Variants in TOX3 observed in about 807,000 individuals in gnomAD.
TOX3 encodes the protein TOX high mobility group box family member 3.
A neutral mutation model predicts 64.3 loss-of-function variants in TOX3; 22 were observed. The ratio of observed to expected loss-of-function variants is 0.34; its 90% CI spans 0.24 to 0.49. The LOEUF is 0.49. Ranked by LOEUF, TOX3 falls within the 20% of genes least tolerant of loss-of-function variation. TOX3 has a pLI of 0.99. For synonymous variants in TOX3, 291 were observed against 273.6 expected, an observed-to-expected ratio of 1.06 and a Z score of -0.63; for missense variants, 661 against 714.4, an observed-to-expected ratio of 0.93 and a Z score of 0.85.
Position 52,546,655 on chromosome 16 carries a change from C to T in TOX3, c.69G>A (p.Gly23=), listed in dbSNP as rs1479780211. The T allele has an allele frequency of 6.5e-7, 1 of 1,542,556 alleles. No homozygotes were observed. The change falls in exon 1 of 7, where the codon GGG becomes GGA. Residue 23 remains glycine, a synonymous_variant. Transcript: ENST00000219746. The part of the protein sequence containing the change: ...PASLDFAQCL[G]YYGYSKFGNN... Reference sequence around the variant, plus strand: ...CGGTCACCTTGCTGTAGCCGTAGTACCCCAGGCACTGCGCGAAGTCCAGGC... The same window carrying T: ...CGGTCACCTTGCTGTAGCCGTAGTATCCCAGGCACTGCGCGAAGTCCAGGC...
intron 1 of TOX3, among the ~76,000 whole-genome samples, chr16:52,497,690 A>C (rs1214128353): frequency 6.6e-6 from 1 of 152,216 alleles, no homozygotes; most frequent in African/African-American, 2.4e-5. Context: ...TTTATTCCAC[A>C]GTACAAAATA....
chr16:52,438,988 C>T lies in TOX3; in HGVS notation c.*237G>A. ...TAGCCTGAATAAATAAAAAAGGCAT[C>T]ACATAAAAGAGCACAGCTTTTCTTG... On this transcript the variant is annotated 3_prime_UTR_variant, in exon 7 of 7. Transcript: ENST00000219746. 1.4e-6 allele frequency: 1 copy of T among 695,472 alleles called. No individual in the cohort carries two copies. Among genetic ancestry groups the T allele is most frequent in the Non-Finnish European group, 2.6e-6 (1 of 381,398 alleles). The allele number at this position is 695,472 out of a possible 1,614,324, so 43.1% of individuals were successfully genotyped here.
intron 1 of TOX3, among the ~76,000 whole-genome samples, chr16:52,504,466 CAA>C (rs71141197): frequency 7.4e-5 from 7 of 94,050 alleles, no homozygotes; most frequent in East Asian, 5.7e-4. Flanking sequence ...GACTCCGTCT[CAA>C]AAAAAAAAAA....
In TOX3 at chr16:52,513,477, A is replaced by G. The variant is rs148648016; in HGVS notation, c.87+33160T>C. On this transcript the variant is annotated intron_variant, in intron 1 of 6. Transcript: ENST00000219746. ...TTAAAATTATAGAAATCTAGATGAG[A>G]TGGAAATTGAAAATACACTAAAACC... 3.6e-3 allele frequency among the ~76,000 whole-genome samples: 551 copies of G among 152,342 alleles called. 1 individual carries two copies. The highest frequency in any genetic ancestry group is 0.013 in the African/African-American group (525 of 41,580).
chr16:52,461,859 C>T (rs181319018), intron 3 of TOX3, among the ~76,000 whole-genome samples: 1 of 152,086 alleles, frequency 6.6e-6, no homozygotes, highest in African/African-American at 2.4e-5. Context: ...TATAGAAGAA[C>T]CCTGACATAA....
chr16:52,479,559 T>A (rs1421730475), intron 1 of TOX3, among the ~76,000 whole-genome samples: 2 of 152,182 alleles, frequency 1.3e-5, no homozygotes, highest in African/African-American at 4.8e-5. Flanking sequence ...TGGGCATCTC[T>A]TATAAAATGA....
At chr16:52,467,398 A>G (rs946961367) in intron 2 of TOX3, among the ~76,000 whole-genome samples, 2 of 152,218 alleles carry the variant, frequency 1.3e-5, no homozygotes, top group African/African-American at 4.8e-5. Flanking sequence ...GATGATGGTC[A>G]CTATAAAAAT....
rs1395272284 is a variant in TOX3, at chr16:52,446,114, A to G, written c.786T>C (p.Tyr262=). 6.2e-7 allele frequency: 1 copy of G among 1,613,986 alleles called. No homozygotes were observed. Among genetic ancestry groups the G allele is most frequent in the Non-Finnish European group, 8.5e-7 (1 of 1,179,852 alleles). Residue 262 remains tyrosine, a synonymous_variant, in exon 5 of 7, where the codon TAT becomes TAC. Transcript: ENST00000219746. The part of the protein sequence containing the change: ...PNEPQKPVSA[Y]ALFFRDTQAA... ...CCTGTGTGTCTCTGAAAAACAGGGCATATGCTGACACTGGCTTCTGTGGCT... is the reference window on the plus strand; with the variant it reads ...CCTGTGTGTCTCTGAAAAACAGGGCGTATGCTGACACTGGCTTCTGTGGCT...
intron 1 of TOX3, among the ~76,000 whole-genome samples, chr16:52,542,109 A>G (rs1291405718): frequency 6.6e-6 from 1 of 152,192 alleles, no homozygotes; most frequent in Non-Finnish European, 1.5e-5. Flanking sequence ...TGGGGCATGG[A>G]AGGGAGCTCA....
intron 1 of TOX3, among the ~76,000 whole-genome samples, chr16:52,474,904 C>T (rs1481895430): frequency 6.6e-6 from 1 of 152,172 alleles, no homozygotes; most frequent in Non-Finnish European, 1.5e-5. Context: ...CCCTTTCTCA[C>T]ACTCCTCTAG....
At chr16:52,447,663 T>C (rs1041217612) in intron 4 of TOX3, among the ~76,000 whole-genome samples, 2 of 152,150 alleles carry the variant, frequency 1.3e-5, no homozygotes, top group African/African-American at 4.8e-5. Context: ...GATTCAATAA[T>C]TCTCTAGAGC....
In TOX3 at chr16:52,464,851, A is replaced by G. The variant is rs143684971; in HGVS notation, c.154-663T>C. ...CTTTTACATGAACATTTTAATATGT[A>G]TTTATCTGAACATTTTCTACCAGTC... On this transcript the variant is annotated intron_variant, in intron 2 of 6. Transcript: ENST00000219746. Among the ~76,000 whole-genome samples, 15 of 152,166 alleles carry G rather than the reference A, an allele frequency of 9.9e-5. No homozygotes were observed. In the East Asian group the frequency reaches 2.9e-3, roughly 29 times the overall value.
At chr16:52,515,191 A>G (rs940225340) in intron 1 of TOX3, among the ~76,000 whole-genome samples, 5 of 150,852 alleles carry the variant, frequency 3.3e-5, no homozygotes, top group Non-Finnish European at 5.9e-5. Context: ...ATGTTAAAAA[A>G]AAAAAAAGAA....
At chr16:52,461,814 T>C (rs1025089534) in intron 3 of TOX3, among the ~76,000 whole-genome samples, 1 of 152,126 alleles carries the variant, frequency 6.6e-6, no homozygotes, top group Non-Finnish European at 1.5e-5. Flanking sequence ...TGGAGTGTTA[T>C]GATGTAGCCA....
At chr16:52,470,778 T>A (rs1183653564) in intron 1 of TOX3, among the ~76,000 whole-genome samples, 1 of 152,220 alleles carries the variant, frequency 6.6e-6, no homozygotes, top group African/African-American at 2.4e-5. Context: ...TCCAGGTAAT[T>A]TGAAACGCTC....
At chr16:52,519,390 G>T in intron 1 of TOX3, 1 of 1,550,600 alleles carries the variant, frequency 6.4e-7, no homozygotes, top group Non-Finnish European at 8.7e-7. Flanking sequence ...AACCTCACCA[G>T]AAGATTAGGT....
chr16:52,439,834 A>G lies in TOX3; in HGVS notation c.1122T>C (p.Thr374=), dbSNP rs1959899304. 6.2e-7 allele frequency: 1 copy of G among 1,613,654 alleles called. No homozygotes were observed. The highest frequency in any genetic ancestry group is 1.3e-5 in the African/African-American group (1 of 74,834). ...TTGACCTAGGGAGGGATTGCTGGAG[A>G]GTCTGAGGTGATGCTGACACTGTTC... ...QHGTVSASPQ[T]LQQSLPRSIA... is the part of the protein sequence containing the mutation. Residue 374 remains threonine, a synonymous_variant, in exon 7 of 7, where the codon ACT becomes ACC. Coordinates refer to ENST00000219746, the MANE Select transcript of TOX3 (RefSeq NM_001080430.4).
At chr16:52,478,090 T>C (rs956133661) in intron 1 of TOX3, among the ~76,000 whole-genome samples, 2 of 152,246 alleles carry the variant, frequency 1.3e-5, no homozygotes, top group African/African-American at 4.8e-5. Context: ...ATATCTGTTT[T>C]ACAAACTGCT....
At chr16:52,485,744 G>C (rs991805843) in intron 1 of TOX3, among the ~76,000 whole-genome samples, 11 of 152,166 alleles carry the variant, frequency 7.2e-5, no homozygotes, top group Admixed American at 5.2e-4. Flanking sequence ...CAGACCAGAT[G>C]AGAGATGATG....
Sources: allele counts gnomAD v4.1 joint callset (sites outside exome capture counted in the v4.1 genomes callset), GRCh38; gene constraint gnomAD v4.1.1; transcripts MANE v1.5; gene names NCBI Gene and HGNC (gene_info 2026-07-23, HGNC 2026-07-21).